Variants in ARHGEF3 observed in about 807,000 individuals in gnomAD.
ARHGEF3 encodes the protein Rho guanine nucleotide exchange factor 3.
In ARHGEF3, 28 loss-of-function variants were observed where a neutral mutation model predicts 63.2. The ratio of observed to expected loss-of-function variants is 0.44; its 90% CI spans 0.33 to 0.61. The LOEUF (loss-of-function observed/expected upper bound fraction) is 0.61. Ranked by LOEUF, ARHGEF3 falls within the 20% of genes least tolerant of loss-of-function variation. The probability of loss-of-function intolerance (pLI) is 0.03; values close to 1 mark genes in which losing one functional copy is unlikely to be tolerated. For synonymous variants in ARHGEF3, 266 were observed against 254.2 expected, an observed-to-expected ratio of 1.05 and a Z score of -0.44; for missense variants, 533 against 659.3, an observed-to-expected ratio of 0.81 and a Z score of 2.10.
At chr3:56,955,881 G>A (rs1041687391) in intron 3 of ARHGEF3, among the ~76,000 whole-genome samples, 6 of 152,180 alleles carry the variant, frequency 3.9e-5, no homozygotes, top group African/African-American at 7.2e-5. Flanking sequence ...CCCAATCCCC[G>A]ACCATGTCAC....
chr3:56,957,855 G>C (rs1195152460), intron 3 of ARHGEF3, among the ~76,000 whole-genome samples: 1 of 152,178 alleles, frequency 6.6e-6, no homozygotes, highest in East Asian at 1.9e-4. Flanking sequence ...ACAGATGCAA[G>C]TTTTGCTCCT....
chr3:56,833,329 T>G (rs1306843062), intron 4 of ARHGEF3, among the ~76,000 whole-genome samples: 1 of 152,234 alleles, frequency 6.6e-6, no homozygotes, highest in Non-Finnish European at 1.5e-5. Flanking sequence ...TTTTGATTTG[T>G]ATTTCCCTAA....
intron 3 of ARHGEF3, among the ~76,000 whole-genome samples, chr3:56,919,985 A>G (rs1323322639): frequency 2.0e-5 from 3 of 152,226 alleles, no homozygotes; most frequent in Non-Finnish European, 4.4e-5. Context: ...CTGACATATT[A>G]GAGCACAAAC....
intron 3 of ARHGEF3, among the ~76,000 whole-genome samples, chr3:56,911,501 C>T (rs537282086): frequency 6.6e-6 from 1 of 152,148 alleles, no homozygotes; most frequent in East Asian, 1.9e-4. Context: ...CTAAAGCCAC[C>T]CATTGTTTCT....
intron 1 of ARHGEF3, among the ~76,000 whole-genome samples, chr3:57,076,491 A>C (rs767046252): frequency 3.9e-5 from 6 of 152,166 alleles, no homozygotes; most frequent in Non-Finnish European, 7.3e-5. Context: ...TGGTACAGGG[A>C]CTACATCTGG....
chr3:56,926,962 C>A (rs925158534), intron 3 of ARHGEF3, among the ~76,000 whole-genome samples: 1 of 152,168 alleles, frequency 6.6e-6, no homozygotes, highest in Non-Finnish European at 1.5e-5. Context: ...AGTGTGCAGC[C>A]CCAGAGGTCT....
chr3:57,054,475 C>G (rs1444330562), intron 1 of ARHGEF3, among the ~76,000 whole-genome samples: 6 of 122,030 alleles, frequency 4.9e-5, no homozygotes, highest in Admixed American at 3.3e-4. Context: ...ACAAAAAATA[C>G]GAAAAAAAAA....
chr3:56,996,895 T>A (rs1252483543), intron 2 of ARHGEF3, among the ~76,000 whole-genome samples: 47 of 141,176 alleles, frequency 3.3e-4, no homozygotes, highest in East Asian at 2.3e-3. Context: ...TTATTATTTT[T>A]TTTTTTTTTT....
intron 1 of ARHGEF3, among the ~76,000 whole-genome samples, chr3:57,038,261 T>C (rs1704041949): frequency 6.6e-6 from 1 of 152,106 alleles, no homozygotes; most frequent in East Asian, 1.9e-4. Flanking sequence ...AAACAAAAAA[T>C]TTCAAAAGCC....
At position 56,969,273 on chromosome 3, in the gene ARHGEF3, G is replaced by A. The variant is rs148585936; in HGVS notation, c.63-10384C>T. On this transcript the variant is annotated intron_variant, in intron 2 of 12. Transcript: ENST00000338458. ...AACAATTCCAGAATTAACTAGAGAC[G>A]AGATCGAAATGATTTTTTAAATCCA... Among the ~76,000 whole-genome samples the A allele has an allele frequency of 1.4e-4, 16 of 113,840 alleles. 1 individual carries two copies. The highest frequency in any genetic ancestry group is 1.0e-3 in the East Asian group (3 of 2,900). 74.7% of individuals were successfully genotyped at this position (113,840 alleles called of 152,430 possible). A position where few individuals can be genotyped will look rare whatever the true frequency, so the allele number is the denominator to read the frequency against.
chr3:57,074,332 T>C (rs1260814881), intron 1 of ARHGEF3: 2 of 1,419,828 alleles, frequency 1.4e-6, no homozygotes, highest in Non-Finnish European at 2.0e-6. Flanking sequence ...GCACATGCTA[T>C]GCCCTCCCTT....
chr3:56,926,472 C>T (rs1027375267), intron 3 of ARHGEF3, among the ~76,000 whole-genome samples: 1 of 152,218 alleles, frequency 6.6e-6, no homozygotes, highest in Non-Finnish European at 1.5e-5. Flanking sequence ...GATGCTTTTC[C>T]TATGTATTTT....
intron 2 of ARHGEF3, among the ~76,000 whole-genome samples, chr3:57,030,494 AAATG>A (rs1560147560): frequency 6.6e-6 from 1 of 152,236 alleles, no homozygotes; most frequent in South Asian, 2.1e-4. Context: ...CTGACTGACC[AAATG>A]AATGAATGAA....
In ARHGEF3 at chr3:56,961,466, A is replaced by G. The variant is rs375733754; in HGVS notation, c.63-2577T>C. ...TCTCACATGAAGAGAAGTCCCCCCAAACAGGGCAAAGCATACCCCTGAAAG... is the reference window on the plus strand; with the variant it reads ...TCTCACATGAAGAGAAGTCCCCCCAGACAGGGCAAAGCATACCCCTGAAAG... On this transcript the variant is annotated intron_variant, in intron 2 of 12. Transcript: ENST00000338458. 4.0e-5 allele frequency among the ~76,000 whole-genome samples: 6 copies of G among 151,874 alleles called. No homozygotes were observed. The East Asian group carries it at 9.7e-4, about 24-fold the overall frequency.
chr3:56,731,851 T>C (rs1439490851), intron 9 of ARHGEF3: 2 of 345,780 alleles, frequency 5.8e-6, no homozygotes, highest in African/African-American at 4.2e-5. Flanking sequence ...AGGGACAAGT[T>C]TACCAGTTCA....
intron 1 of ARHGEF3, among the ~76,000 whole-genome samples, chr3:56,777,411 T>C (rs1461820098): frequency 6.6e-6 from 1 of 152,244 alleles, no homozygotes; most frequent in Non-Finnish European, 1.5e-5. Context: ...TGTGTTTAAT[T>C]ATGAACAAAG....
Position 57,011,593 on chromosome 3 carries a change from T to C in ARHGEF3, c.62+23495A>G, listed in dbSNP as rs150315136. 3.9e-5 allele frequency among the ~76,000 whole-genome samples: 6 copies of C among 152,198 alleles called. No individual in the cohort carries two copies. In the East Asian group the frequency reaches 1.2e-3, roughly 29 times the overall value. ...CCCCGCCACCCACAGCAAAGAATTC[T>C]CCAACCCAAGGATTCAATAGTGTCA... On this transcript the variant is annotated intron_variant, in intron 2 of 12. Transcript: ENST00000338458.
chr3:56,958,887 G>A (rs1700160873), exon 3 of ARHGEF3: 1 of 1,550,896 alleles, frequency 6.4e-7, no homozygotes, highest in Non-Finnish European at 8.7e-7. Context: ...CTGCCGTTTA[G>A]GCCTAGAAGA....
At chr3:57,014,046 G>A (rs942797104) in intron 2 of ARHGEF3, among the ~76,000 whole-genome samples, 7 of 152,148 alleles carry the variant, frequency 4.6e-5, no homozygotes, top group East Asian at 1.9e-4. Flanking sequence ...TCACCGCGAA[G>A]GTCTGGAGCT....
Sources: gnomAD v4.1 joint callset for allele counts (sites outside exome capture counted in the v4.1 genomes callset) on GRCh38, gnomAD v4.1.1 for gene constraint, MANE v1.5 for transcripts, NCBI Gene and HGNC (gene_info 2026-07-23, HGNC 2026-07-21) for gene names.